FBXL13: variants seen among roughly 807,000 people sequenced by gnomAD.
The protein encoded by FBXL13 is F-box and leucine-rich repeat protein 13.
Under a neutral mutation model 83.6 loss-of-function variants are expected in FBXL13, and 67 were observed. The observed-to-expected ratio is 0.80, with a 90% CI of 0.66 to 0.98. The LOEUF (loss-of-function observed/expected upper bound fraction) is 0.98. Ranked by LOEUF, FBXL13 falls within the 50% of genes least tolerant of loss-of-function variation. The pLI, the probability that FBXL13 is intolerant of heterozygous loss-of-function variation, is 0.00. For missense variants in FBXL13, 822 were observed against 866.5 expected (o/e 0.95, Z 0.64); for synonymous variants, 272 against 299.5 (o/e 0.91, Z 0.95).
At chr7:102,910,811 C>G (rs567925490) in intron 11 of FBXL13, among the ~76,000 whole-genome samples, 1 of 152,142 alleles carries the variant, frequency 6.6e-6, no homozygotes, top group Non-Finnish European at 1.5e-5. Context: ...CAGGCTGGAA[C>G]GCAGTGGTGG....
intron 19 of FBXL13, among the ~76,000 whole-genome samples, chr7:102,818,265 G>A (rs976975160): frequency 1.2e-4 from 18 of 152,180 alleles, no homozygotes; most frequent in Non-Finnish European, 2.2e-4. Flanking sequence ...TTAAAAGCTT[G>A]AGAATGTAAT....
chr7:102,910,087 C>T (rs1190163877), intron 11 of FBXL13, among the ~76,000 whole-genome samples: 1 of 152,108 alleles, frequency 6.6e-6, no homozygotes, highest in Non-Finnish European at 1.5e-5. Context: ...TGGCAATTCC[C>T]CTGTGTCTAG....
rs750967117 is a variant in FBXL13 at position 102,888,496 on chromosome 7, C to T, written c.1009-4184G>A. 6.8e-4 allele frequency among the ~76,000 whole-genome samples: 104 copies of T among 152,344 alleles called. 2 individuals are homozygous for T. Among genetic ancestry groups the T allele is most frequent in the Non-Finnish European group, 3.7e-4 (25 of 68,032 alleles). On this transcript the variant is annotated intron_variant, in intron 11 of 19. Coordinates refer to ENST00000313221, the Ensembl canonical transcript of FBXL13. Reference sequence around the variant, plus strand: ...GCAGTGAGCTGAGATTGCTCCACTGCACTTCTTCAGCCTGGGCAACAGAGC... The same window carrying T: ...GCAGTGAGCTGAGATTGCTCCACTGTACTTCTTCAGCCTGGGCAACAGAGC...
At chr7:102,883,843 A>G (rs1216426914) in intron 12 of FBXL13, among the ~76,000 whole-genome samples, 158 bp from the exon 14 acceptor site, 1 of 152,166 alleles carries the variant, frequency 6.6e-6, no homozygotes, top group East Asian at 1.9e-4. Context: ...ATTTTAATAC[A>G]CCTACATTTG....
intron 7 of FBXL13, among the ~76,000 whole-genome samples, chr7:102,964,406 T>TATATA (rs375876058): frequency 2.2e-4 from 28 of 126,246 alleles, no homozygotes; most frequent in East Asian, 2.0e-3. Flanking sequence ...ATATATATAT[T>TATATA]TTTTTTTTTT....
intron 8 of FBXL13, among the ~76,000 whole-genome samples, chr7:102,943,452 C>T (rs1172682136): frequency 6.6e-6 from 1 of 151,992 alleles, no homozygotes; most frequent in Non-Finnish European, 1.5e-5. Flanking sequence ...CACAATTTTG[C>T]ATTTAGACAC....
Position 102,822,276 on chromosome 7 carries a change from T to G in FBXL13, c.1855-73A>C, listed in dbSNP as rs533586580. 8 of 1,399,924 alleles carry G rather than the reference T, an allele frequency of 5.7e-6. No individual in the cohort carries two copies. The East Asian group carries it at 1.8e-4, about 32-fold the overall frequency. 86.7% of individuals were successfully genotyped at this position (1,399,924 alleles called of 1,614,324 possible). A position where few individuals can be genotyped will look rare whatever the true frequency, so the allele number is the denominator to read the frequency against. ...GGGAAGAACAGTGCCTTAGTCACTTTGGGCAACTATAATAAACTACCACAG... is the reference window on the plus strand; with the variant it reads ...GGGAAGAACAGTGCCTTAGTCACTTGGGGCAACTATAATAAACTACCACAG... On this transcript the variant is annotated intron_variant, in intron 18 of 19. Coordinates refer to ENST00000313221, the Ensembl canonical transcript of FBXL13.
intron 9 of FBXL13, among the ~76,000 whole-genome samples, chr7:102,931,239 C>A (rs750646398): frequency 2.2e-4 from 34 of 152,198 alleles, no homozygotes; most frequent in Non-Finnish European, 4.7e-4. Flanking sequence ...GTAGGCACTG[C>A]AAATTAGTGT....
chr7:102,873,420 G>A (rs2129456938), intron 16 of FBXL13, among the ~76,000 whole-genome samples: 1 of 152,220 alleles, frequency 6.6e-6, no homozygotes, highest in Non-Finnish European at 1.5e-5. Context: ...ATTCAGTTGA[G>A]CTCTATCTCA....
intron 1 of FBXL13, among the ~76,000 whole-genome samples, chr7:103,058,824 T>C (rs1394113063): frequency 6.6e-6 from 1 of 152,198 alleles, no homozygotes; most frequent in Admixed American, 6.5e-5. Flanking sequence ...TGATTATATA[T>C]ATATTTCCAA....
At chr7:103,013,680 T>G (rs2129486744) in intron 6 of FBXL13, among the ~76,000 whole-genome samples, 1 of 152,114 alleles carries the variant, frequency 6.6e-6, no homozygotes, top group East Asian at 1.9e-4. Context: ...CATCAAAAAG[T>G]TAGAAATATC....
chr7:102,897,802 T>C, intron 11 of FBXL13, among the ~76,000 whole-genome samples: 1 of 152,006 alleles, frequency 6.6e-6, no homozygotes, highest in Non-Finnish European at 1.5e-5. Context: ...AAAGAATATT[T>C]GAAAAAAGGA....
chr7:102,934,342 C>A (rs757930822), intron 8 of FBXL13: 5 of 1,614,124 alleles, frequency 3.1e-6, no homozygotes, highest in Non-Finnish European at 8.5e-7. Flanking sequence ...AGATCAAAGT[C>A]TTGACGGAGG....
intron 18 of FBXL13, among the ~76,000 whole-genome samples, chr7:102,830,916 A>T (rs1800549585): frequency 6.6e-6 from 1 of 152,186 alleles, no homozygotes; most frequent in African/African-American, 2.4e-5. Flanking sequence ...CACTTTAGAG[A>T]CTTTCCTCTT....
intron 8 of FBXL13, chr7:102,934,176 TAGCA>T (rs1165411022): frequency 6.2e-7 from 1 of 1,614,098 alleles, no homozygotes; most frequent in African/African-American, 1.3e-5. Context: ...CACATGCTGC[TAGCA>T]AGAAACAAGA....
Position 103,029,435 on chromosome 7 carries a change from A to T in FBXL13, c.1-17T>A. On this transcript the variant is annotated splice_polypyrimidine_tract_variant and intron_variant, in intron 2 of 19. Transcript: ENST00000313221. ...CGGAGTCATCTAAAGTAAATAAATAATTGAAATAACAAATATTAGAAATAA... is the reference window on the plus strand; with the variant it reads ...CGGAGTCATCTAAAGTAAATAAATATTTGAAATAACAAATATTAGAAATAA... 4.4e-6 allele frequency: 6 copies of T among 1,354,318 alleles called. No individual in the cohort carries two copies. Among genetic ancestry groups the T allele is most frequent in the Non-Finnish European group, 6.0e-6 (6 of 993,788 alleles). 83.9% of individuals were successfully genotyped at this position (1,354,318 alleles called of 1,614,324 possible). A position where few individuals can be genotyped will look rare whatever the true frequency, so the allele number is the denominator to read the frequency against.
At chr7:102,902,759 G>A (rs1563066401) in intron 11 of FBXL13, among the ~76,000 whole-genome samples, 1 of 152,028 alleles carries the variant, frequency 6.6e-6, no homozygotes, top group Non-Finnish European at 1.5e-5. Context: ...TTGTTTCTGG[G>A]TTCTCTATTC....
intron 11 of FBXL13, among the ~76,000 whole-genome samples, chr7:102,894,289 C>T (rs1042394361): frequency 6.6e-6 from 1 of 152,288 alleles, no homozygotes; most frequent in East Asian, 1.9e-4. Flanking sequence ...CTTTAAGTTT[C>T]GTGGGCTCTA....
chr7:102,961,842 G>A (rs957550353), intron 8 of FBXL13, among the ~76,000 whole-genome samples: 1 of 140,698 alleles, frequency 7.1e-6, no homozygotes, highest in African/African-American at 2.7e-5. Context: ...AATTCAAGAT[G>A]GATTAAAGAC....
Sources: allele counts gnomAD v4.1 joint callset (sites outside exome capture counted in the v4.1 genomes callset), GRCh38; gene constraint gnomAD v4.1.1; transcripts MANE v1.5; gene names NCBI Gene and HGNC (gene_info 2026-07-23, HGNC 2026-07-21).